The following PTPDC1 variants were observed in gnomAD, a reference collection of about 807,000 sequenced individuals.
The protein encoded by PTPDC1 is protein tyrosine phosphatase domain containing 1, also known as protein tyrosine phosphatase domain-containing protein 1.
Under a neutral mutation model 75.3 loss-of-function variants are expected in PTPDC1, and 53 were observed. That is an observed-to-expected ratio of 0.70 (90% confidence interval 0.56 to 0.88). The LOEUF is 0.88. PTPDC1 is among the 40% of genes least tolerant of loss of function. PTPDC1 has a pLI of 0.00. For synonymous variants in PTPDC1, 349 were observed against 366.2 expected (o/e 0.95, Z 0.54); for missense variants, 925 against 998.6 (o/e 0.93, Z 0.99).
intron 1 of PTPDC1, among the ~76,000 whole-genome samples, chr9:94,040,416 A>G (rs1825395594): frequency 1.3e-5 from 2 of 152,330 alleles, no homozygotes; most frequent in Middle Eastern, 3.4e-3. Context: ...TTTTAAGATC[A>G]GAAGCTTTTA....
chr9:94,102,370 A>C (rs1827873006), intron 7 of PTPDC1, among the ~76,000 whole-genome samples: 1 of 151,456 alleles, frequency 6.6e-6, no homozygotes, highest in Non-Finnish European at 1.5e-5. Flanking sequence ...TATATGTTTA[A>C]AATAGAGGAA....
Position 94,108,166 on chromosome 9 carries a change from ACTTT to A in PTPDC1, c.*227_*230del, listed in dbSNP as rs1828087186. 3.3e-6 allele frequency: 1 copy of A among 307,288 alleles called. No individual in the cohort carries two copies. Among genetic ancestry groups the A allele is most frequent in the Admixed American group, 4.9e-5 (1 of 20,206 alleles). The allele number at this position is 307,288 out of a possible 1,614,324, so 19.0% of individuals were successfully genotyped here. On this transcript the variant is annotated 3_prime_UTR_variant, in exon 9 of 9. Transcript: ENST00000620992. The stretch of plus-strand genomic sequence containing the variant: ...GAAAAATTGCCATAAATTTGGTGCC[ACTTT>A]CTTTTATTTATTTGACTGAGTTAAT...
intron 4 of PTPDC1, among the ~76,000 whole-genome samples, chr9:94,090,837 A>T (rs1178112568): frequency 7.4e-6 from 1 of 135,958 alleles, no homozygotes; most frequent in African/African-American, 2.8e-5. Context: ...ATTCTCTTTG[A>T]AGCAATTGTG....
At chr9:94,086,142 A>G (rs1302213956) in intron 2 of PTPDC1, among the ~76,000 whole-genome samples, 1 of 152,198 alleles carries the variant, frequency 6.6e-6, no homozygotes, top group African/African-American at 2.4e-5. Flanking sequence ...ATATTTGTCA[A>G]CTGGCTTATC....
intron 6 of PTPDC1, chr9:94,101,290 G>T: frequency 3.4e-6 from 1 of 297,974 alleles, no homozygotes; most frequent in Non-Finnish European, 6.2e-6. Context: ...TGTGCTATAA[G>T]CTTTAACCGA....
intron 1 of PTPDC1, among the ~76,000 whole-genome samples, chr9:94,033,618 A>G (rs2118371470): frequency 6.6e-6 from 1 of 152,298 alleles, no homozygotes; most frequent in Admixed American, 6.5e-5. Context: ...TGACATTTAT[A>G]TGAGACAGCA....
chr9:94,084,773 A>G lies in PTPDC1; in HGVS notation c.243A>G (p.Lys81=), dbSNP rs773422783. The change falls in exon 1 of 9, where the codon AAA becomes AAG. Residue 81 remains lysine (K), a splice_region_variant and synonymous_variant. Coordinates refer to ENST00000620992, the MANE Select transcript of PTPDC1 (RefSeq NM_001253829.2). ...CAACTTTCCCCGAAAGAAAAAGTAA[A>G]GGTCTCTTTCTTCTTATAGATTGCC... ...GNPTFPERKS[K]GNLERPTPKY... The G allele has an allele frequency of 6.4e-7, 1 of 1,555,866 alleles. No individual in the cohort carries two copies. Among genetic ancestry groups the G allele is most frequent in the East Asian group, 2.3e-5 (1 of 44,340 alleles).
At chr9:94,069,194 A>T (rs1826423577) in intron 2 of PTPDC1, among the ~76,000 whole-genome samples, 1 of 152,158 alleles carries the variant, frequency 6.6e-6, no homozygotes. Flanking sequence ...AAGCTGGGAA[A>T]TATGTGTTCA....
chr9:94,087,745 A>C, intron 2 of PTPDC1, 86 bp from the exon 3 acceptor site: 1 of 871,724 alleles, frequency 1.1e-6, no homozygotes, highest in Non-Finnish European at 1.9e-6. Flanking sequence ...TCATAGAAAA[A>C]ATCATCTCTC....
chr9:94,047,505 G>C (rs1825645143), intron 1 of PTPDC1, among the ~76,000 whole-genome samples: 2 of 152,126 alleles, frequency 1.3e-5, no homozygotes, highest in Admixed American at 1.3e-4. Context: ...ACAATTAAAA[G>C]AACTGGAAAA....
chr9:94,060,123 T>A (rs1025792153), intron 1 of PTPDC1, among the ~76,000 whole-genome samples: 2 of 152,226 alleles, frequency 1.3e-5, no homozygotes, highest in African/African-American at 2.4e-5. Flanking sequence ...GAACTGCTGA[T>A]GTATCATCTG....
At chr9:94,081,333 T>C (rs1826876387), upstream of PTPDC1, among the ~76,000 whole-genome samples, 2 of 152,168 alleles carry the variant, frequency 1.3e-5, no homozygotes, top group Non-Finnish European at 2.9e-5. Context: ...TTCTGTAAGT[T>C]TGACATTGAT....
intron 2 of PTPDC1, among the ~76,000 whole-genome samples, chr9:94,074,530 G>A (rs1354741130): frequency 6.6e-6 from 1 of 152,112 alleles, no homozygotes; most frequent in African/African-American, 2.4e-5. Flanking sequence ...CCTCAGGGGA[G>A]GAGAAGGTGG....
In PTPDC1 at chr9:94,042,057, C is replaced by T. The variant is rs556077522; in HGVS notation, c.-7+10930C>T. On this transcript the variant is annotated intron_variant, in intron 1 of 9. Transcript: ENST00000375360. ...TGTCTTAGAATCTAACTGAGAACTA[C>T]ACAGTTTATTCTAACCTTTCCTCCT... is the stretch of plus-strand genomic sequence containing the variant. Among the ~76,000 whole-genome samples, 45 of 152,310 alleles carry T rather than the reference C, an allele frequency of 3.0e-4. No homozygotes were observed. In the South Asian group the frequency reaches 4.1e-3, roughly 14 times the overall value.
At chr9:94,047,559 A>G (rs1413944298) in intron 1 of PTPDC1, among the ~76,000 whole-genome samples, 1 of 152,240 alleles carries the variant, frequency 6.6e-6, no homozygotes, top group Non-Finnish European at 1.5e-5. Flanking sequence ...GCAAGAAATA[A>G]CTAAGATCAG....
intron 1 of PTPDC1, among the ~76,000 whole-genome samples, chr9:94,055,680 C>T (rs2118469698): frequency 6.6e-6 from 1 of 152,206 alleles, no homozygotes; most frequent in Admixed American, 6.5e-5. Flanking sequence ...TCAGTGGTTC[C>T]AACATGGCAC....
intron 4 of PTPDC1, among the ~76,000 whole-genome samples, chr9:94,094,839 T>C (rs78692785): frequency 6.6e-6 from 1 of 152,210 alleles, no homozygotes; most frequent in Non-Finnish European, 1.5e-5. Flanking sequence ...GACCCGACTT[T>C]CCAGGTGCCG....
chr9:94,055,393 A>C (rs1417855731), intron 1 of PTPDC1, among the ~76,000 whole-genome samples: 1 of 152,256 alleles, frequency 6.6e-6, no homozygotes, highest in Non-Finnish European at 1.5e-5. Flanking sequence ...AAATCTGCAC[A>C]TGAATGTGTA....
intron 1 of PTPDC1, among the ~76,000 whole-genome samples, chr9:94,046,437 G>T (rs1825601275): frequency 6.6e-6 from 1 of 152,194 alleles, no homozygotes; most frequent in African/African-American, 2.4e-5. Flanking sequence ...ACCTTGGGCA[G>T]TATGGCCATT....
Sources: allele counts gnomAD v4.1 joint callset (sites outside exome capture counted in the v4.1 genomes callset), GRCh38; gene constraint gnomAD v4.1.1; transcripts MANE v1.5; gene names NCBI Gene and HGNC (gene_info 2026-07-23, HGNC 2026-07-21).